PCDHGA7: variants seen among roughly 807,000 people sequenced by gnomAD.
The protein encoded by PCDHGA7 is protocadherin gamma-A7.
Under a neutral mutation model 58.3 loss-of-function variants are expected in PCDHGA7, and 44 were observed. The observed-to-expected ratio is 0.75, with a 90% confidence interval of 0.59 to 0.97. The LOEUF is 0.97. PCDHGA7 is among the 50% of genes least tolerant of loss of function. The probability of loss-of-function intolerance (pLI) is 0.00; values close to 1 mark genes in which losing one functional copy is unlikely to be tolerated. For missense variants in PCDHGA7, 1,266 were observed against 1,188.7 expected (o/e 1.06, Z -0.96); for synonymous variants, 516 against 504.2 (o/e 1.02, Z -0.31).
In PCDHGA7 at chr5:141,410,323, G is replaced by T. The variant is rs1415994094; in HGVS notation, c.2424+25000G>T. 3.7e-6 allele frequency: 6 copies of T among 1,613,884 alleles called. No homozygotes were observed. The South Asian group carries it at 5.5e-5, about 15-fold the overall frequency. ...TCTCAGTGCTCTTCCTCCTCGCCGT[G>T]ATTCTGGCCATTGCCTTGCGCCTGC... is the stretch of plus-strand genomic sequence containing the variant. On this transcript the variant is annotated intron_variant, in intron 1 of 3. Transcript: ENST00000518325.
Position 141,431,359 on chromosome 5 carries a change from G to A in PCDHGA7, c.2424+46036G>A. 1 of 1,614,024 alleles carries A rather than the reference G, an allele frequency of 6.2e-7. No homozygotes were observed. The highest frequency in any genetic ancestry group is 8.5e-7 in the Non-Finnish European group (1 of 1,180,030). On this transcript the variant is annotated intron_variant, in intron 1 of 3. Transcript: ENST00000518325. This position sits in a 1 kb window ranked among gnomAD's most constrained non-coding sequence, Gnocchi z 4.8. ...CCGAATTGGTGCTGAAACGCGCCCTGGACCGCGAAGAAAAGGCTGCTCACC... is the reference window on the plus strand; with the variant it reads ...CCGAATTGGTGCTGAAACGCGCCCTAGACCGCGAAGAAAAGGCTGCTCACC...
At chr5:141,421,213 G>C (rs916345810) in intron 1 of PCDHGA7, 3 of 1,548,472 alleles carry the variant, frequency 1.9e-6, no homozygotes, top group Admixed American at 4.1e-5. Context: ...GCGGAATATC[G>C]GCTTAGAGCC....
chr5:141,393,460 A>ATGGC (rs754334472), intron 1 of PCDHGA7: 1 of 1,614,052 alleles, frequency 6.2e-7, no homozygotes, highest in South Asian at 1.1e-5. Flanking sequence ...ACGGCCTCGG[A>ATGGC]TGGCGGCAAG....
Position 141,423,157 on chromosome 5 carries a change from G to C in PCDHGA7, c.2424+37834G>C, listed in dbSNP as rs527921011. The C allele has an allele frequency of 7.4e-6, 12 of 1,610,820 alleles. No homozygotes were observed. The South Asian group carries it at 1.2e-4, about 16-fold the overall frequency. ...CAGAGACGCGCTCAAGCAGAGCCTC[G>C]TGGTGGCCGTCCAGGACCACGGCCA... On this transcript the variant is annotated intron_variant, in intron 1 of 3. Coordinates refer to ENST00000518325, the MANE Select transcript of PCDHGA7 (RefSeq NM_018920.4).
At chr5:141,428,082 G>C (rs776612130) in intron 1 of PCDHGA7, 2 of 1,609,030 alleles carry the variant, frequency 1.2e-6, no homozygotes, top group Non-Finnish European at 8.5e-7. Flanking sequence ...GGGACACAAC[G>C]CTTGGCTGTC....
Position 141,384,204 on chromosome 5 carries a change from A to T in PCDHGA7, c.1305A>T (p.Glu435Asp). The change falls in exon 1 of 4, where the codon GAA (glutamate) becomes GAT (aspartate). Residue 435 changes from glutamate (E) to aspartate (D), a missense_variant. By Grantham distance (45) the Glu-to-Asp change is conservative (BLOSUM62 2). Coordinates refer to ENST00000518325, the MANE Select transcript of PCDHGA7 (RefSeq NM_018920.4). ...GTGGAACTCCTCCCTTGTCCAGGGA[A>T]ACTCACATATTCATGCAGGTGGCAG... is the stretch of plus-strand genomic sequence containing the variant. ...TDGGTPPLSR[E>D]THIFMQVADT... 7 of 1,613,886 alleles carry T rather than the reference A, an allele frequency of 4.3e-6. No individual in the cohort carries two copies. The highest frequency in any genetic ancestry group is 5.9e-6 in the Non-Finnish European group (7 of 1,179,880).
Position 141,384,414 on chromosome 5 carries a change from C to T in PCDHGA7, c.1515C>T (p.Val505=), listed in dbSNP as rs1159996307. 5 of 1,613,838 alleles carry T rather than the reference C, an allele frequency of 3.1e-6. No individual in the cohort carries two copies. In the East Asian group the frequency reaches 8.9e-5, roughly 29 times the overall value. ...AGGGGGCTCCAGTGTCCTCCTATGT[C>T]TCCATAAACTCTGACACTGGAGTCC... ...TIQGAPVSSY[V]SINSDTGVLY... The change falls in exon 1 of 4, where the codon GTC becomes GTT. Residue 505 remains valine (V), a synonymous_variant. Coordinates refer to ENST00000518325, the MANE Select transcript of PCDHGA7 (RefSeq NM_018920.4).
intron 3 of PCDHGA7, among the ~76,000 whole-genome samples, chr5:141,508,579 G>A (rs569867127): frequency 6.6e-6 from 1 of 152,234 alleles, no homozygotes; most frequent in East Asian, 1.9e-4. Flanking sequence ...ACCCACTCGG[G>A]GTGCTACTCA....
At chr5:141,492,026 G>T in intron 1 of PCDHGA7, 1 of 567,198 alleles carries the variant, frequency 1.8e-6, no homozygotes, top group Non-Finnish European at 3.0e-6. Flanking sequence ...GGGGTCCCGG[G>T]AGGAGGCAGT....
chr5:141,446,622 G>A (rs1338969669), intron 1 of PCDHGA7, among the ~76,000 whole-genome samples: 13 of 152,044 alleles, frequency 8.6e-5, no homozygotes, highest in East Asian at 1.9e-4. Flanking sequence ...GACTACAGGC[G>A]TGCACCACCA....
chr5:141,409,491 C>A (rs747701093), intron 1 of PCDHGA7: 1 of 1,613,876 alleles, frequency 6.2e-7, no homozygotes, highest in East Asian at 2.2e-5. Context: ...AGGGGCAAGC[C>A]GCCTCTTTCT....
intron 1 of PCDHGA7, chr5:141,410,555 C>T (rs768561351): frequency 1.9e-6 from 3 of 1,613,084 alleles, no homozygotes; most frequent in Middle Eastern, 1.6e-4. Context: ...CAGTGTTTCT[C>T]CTGGAGCCTT....
chr5:141,424,699 G>A (rs185769714), intron 1 of PCDHGA7: 222 of 152,060 alleles, frequency 1.5e-3, no homozygotes, highest in African/African-American at 5.2e-3. Flanking sequence ...CTATTTTTTT[G>A]TTCATTTTCA....
At chr5:141,468,652 G>A (rs1206892693) in intron 1 of PCDHGA7, 2 of 149,062 alleles carry the variant, frequency 1.3e-5, no homozygotes, top group African/African-American at 2.5e-5. Context: ...GGATCACAAG[G>A]TCAGGAGATC....
chr5:141,478,497 C>A (rs746475685), intron 1 of PCDHGA7: 2 of 1,612,820 alleles, frequency 1.2e-6, no homozygotes, highest in Non-Finnish European at 1.7e-6. Context: ...AGCTGTGATC[C>A]GGTGTTCTAT....
rs764579211 is a variant in PCDHGA7 at position 141,489,393 on chromosome 5, T to C, written c.2425-5414T>C. 1.9e-5 allele frequency: 30 copies of C among 1,614,098 alleles called. No individual in the cohort carries two copies. In the South Asian group the frequency reaches 3.3e-4, roughly 18 times the overall value. On this transcript the variant is annotated intron_variant, in intron 1 of 3. Coordinates refer to ENST00000518325, the MANE Select transcript of PCDHGA7 (RefSeq NM_018920.4). The surrounding 1 kb of genome is among the most constrained non-coding windows in gnomAD (Gnocchi z 4.5). ...CGCTGGTGGGGAATGTTGCTCAGGA[T>C]CTGGGCTTAAAGATGACAGATCTGT...
chr5:141,475,761 T>C (rs1430719406), intron 1 of PCDHGA7, among the ~76,000 whole-genome samples: 3 of 152,248 alleles, frequency 2.0e-5, no homozygotes, highest in Admixed American at 6.5e-5. Flanking sequence ...GCACCGATAC[T>C]GGCAAGGCGC....
chr5:141,462,477 G>A (rs1430561580), intron 1 of PCDHGA7, among the ~76,000 whole-genome samples: 1 of 151,828 alleles, frequency 6.6e-6, no homozygotes, highest in East Asian at 1.9e-4. Flanking sequence ...TCTGCTTCTC[G>A]TGGTTGTTGT....
chr5:141,430,885 C>G, intron 1 of PCDHGA7: 1 of 1,605,218 alleles, frequency 6.2e-7, no homozygotes, highest in Non-Finnish European at 8.5e-7. Context: ...TGGAGAAAGG[C>G]TCTAGGGTGG....
Sources: allele counts gnomAD v4.1 joint callset (sites outside exome capture counted in the v4.1 genomes callset), GRCh38; gene constraint gnomAD v4.1.1; non-coding constraint Gnocchi (gnomAD v3.1); transcripts MANE v1.5; gene names NCBI Gene and HGNC (gene_info 2026-07-23, HGNC 2026-07-21).